The following CCDC126 variants were observed in gnomAD, a reference collection of about 807,000 sequenced individuals.
The protein encoded by CCDC126 is coiled-coil domain-containing protein 126.
CCDC126 carries 5 observed loss-of-function variants against 11.7 expected under a neutral mutation model. That is an observed-to-expected ratio of 0.43 (90% CI 0.22 to 0.90). The LOEUF is 0.90. Among genes scored for constraint, CCDC126 ranks in the 40% least tolerant of loss-of-function variants. The pLI is 0.27. For missense variants in CCDC126, 150 were observed against 163.1 expected (o/e 0.92, Z 0.44); for synonymous variants, 60 against 61.9 (o/e 0.97, Z 0.14).
At chr7:23,612,405 G>A (rs1782728909) in intron 3 of CCDC126, among the ~76,000 whole-genome samples, 1 of 143,482 alleles carries the variant, frequency 7.0e-6, no homozygotes, top group Admixed American at 7.1e-5. Context: ...AACCCAGGAG[G>A]TGGAGGTTGT....
At chr7:23,608,511 C>G (rs188417554) in intron 2 of CCDC126, among the ~76,000 whole-genome samples, 2 of 152,170 alleles carry the variant, frequency 1.3e-5, no homozygotes, top group Admixed American at 1.3e-4. Context: ...CATCAGCTGT[C>G]GTTAGTGTTA....
At chr7:23,636,098 G>A (rs1011845025) in intron 3 of CCDC126, among the ~76,000 whole-genome samples, 2 of 152,072 alleles carry the variant, frequency 1.3e-5, no homozygotes, top group East Asian at 3.9e-4. Flanking sequence ...GCTCCTAACC[G>A]CGAGTGATCC....
At chr7:23,620,801 A>C (rs1395273230) in intron 3 of CCDC126, among the ~76,000 whole-genome samples, 2 of 152,220 alleles carry the variant, frequency 1.3e-5, no homozygotes, top group Non-Finnish European at 2.9e-5. Flanking sequence ...ACATATGGCT[A>C]GCCAGTTTTC....
At chr7:23,613,383 G>A (rs1326065557) in intron 3 of CCDC126, among the ~76,000 whole-genome samples, 2 of 151,918 alleles carry the variant, frequency 1.3e-5, no homozygotes, top group Non-Finnish European at 2.9e-5. Flanking sequence ...ATGAAAAAGG[G>A]CAGTTTTTTC....
intron 2 of CCDC126, among the ~76,000 whole-genome samples, chr7:23,604,997 C>T (rs1473314415): frequency 1.1e-5 from 1 of 92,642 alleles, no homozygotes; most frequent in Non-Finnish European, 2.2e-5. Flanking sequence ...GACTTCGTCT[C>T]AAAAAAAAAA....
chr7:23,620,444 ATTTG>A (rs1360160693), intron 3 of CCDC126, among the ~76,000 whole-genome samples: 3 of 151,914 alleles, frequency 2.0e-5, no homozygotes, highest in Admixed American at 2.0e-4. Context: ...TTTCTTGTAA[ATTTG>A]TTTGAGTTCT....
intron 3 of CCDC126, chr7:23,622,514 G>C: frequency 2.1e-6 from 1 of 484,264 alleles, no homozygotes; most frequent in Non-Finnish European, 4.2e-6. Flanking sequence ...ACTGGATTTA[G>C]TGCAGTCAAC....
rs1584203211 is a variant in CCDC126 at position 23,619,325 on chromosome 7, G to GC, written c.238+7773dup. 1.3e-5 allele frequency: 4 copies of GC among 310,278 alleles called. No individual in the cohort carries two copies. In the East Asian group the frequency reaches 3.9e-4, roughly 30 times the overall value. 19.2% of individuals were successfully genotyped at this position (310,278 alleles called of 1,614,324 possible). A position where few individuals can be genotyped will look rare whatever the true frequency, so the allele number is the denominator to read the frequency against. ...GCACATCTGAAGAAACAGGAGTGTG[G>GC]CGTGACCATAGGGAAGCAAAAGAAC... On this transcript the variant is annotated intron_variant, in intron 3 of 3. Coordinates refer to ENST00000307471, the MANE Select transcript of CCDC126 (RefSeq NM_138771.4).
In CCDC126 at chr7:23,643,637, G is replaced by A. The variant is rs1399017751; in HGVS notation, c.*522G>A. On this transcript the variant is annotated 3_prime_UTR_variant, in exon 4 of 4. Coordinates refer to ENST00000307471, the MANE Select transcript of CCDC126 (RefSeq NM_138771.4). Reference sequence around the variant, plus strand: ...AAGGAAATATAATGTTGAAAATAATGTTTTGAAATCATGACCCAAAGAATG... The same window carrying A: ...AAGGAAATATAATGTTGAAAATAATATTTTGAAATCATGACCCAAAGAATG... The A allele has an allele frequency of 6.6e-6, 1 of 152,614 alleles. No individual in the cohort carries two copies. Among genetic ancestry groups the A allele is most frequent in the Admixed American group, 6.5e-5 (1 of 15,268 alleles). The allele number at this position is 152,614 out of a possible 1,614,324, so 9.5% of individuals were successfully genotyped here. A position where few individuals can be genotyped will look rare whatever the true frequency, so the allele number is the denominator to read the frequency against.
At chr7:23,634,869 A>G (rs1783179472) in intron 3 of CCDC126, among the ~76,000 whole-genome samples, 1 of 152,150 alleles carries the variant, frequency 6.6e-6, no homozygotes, top group South Asian at 2.1e-4. Context: ...GTAAATCACT[A>G]CATTCTCCCT....
Position 23,602,863 on chromosome 7 carries a change from G to A in CCDC126, c.-146+4812G>A, listed in dbSNP as rs181636410. 1.1e-4 allele frequency among the ~76,000 whole-genome samples: 17 copies of A among 150,976 alleles called. No individual in the cohort carries two copies. The East Asian group carries it at 3.1e-3, about 28-fold the overall frequency. On this transcript the variant is annotated intron_variant, in intron 2 of 3. Coordinates refer to ENST00000307471, the MANE Select transcript of CCDC126 (RefSeq NM_138771.4). Reference sequence around the variant, plus strand: ...TGTTTGTTTGCTTGTTTGTTGTCCCGTTCCTATTAAAATAGTATCCAGAAA... The same window carrying A: ...TGTTTGTTTGCTTGTTTGTTGTCCCATTCCTATTAAAATAGTATCCAGAAA...
At chr7:23,620,561 G>A (rs1438601455) in intron 3 of CCDC126, among the ~76,000 whole-genome samples, 18 of 151,166 alleles carry the variant, frequency 1.2e-4, no homozygotes, top group Admixed American at 3.3e-4. Context: ...TTCTTTTGCT[G>A]TGCAGAAGCT....
chr7:23,608,008 T>C (rs531075427), intron 2 of CCDC126, among the ~76,000 whole-genome samples: 1 of 152,268 alleles, frequency 6.6e-6, no homozygotes, highest in East Asian at 1.9e-4. Flanking sequence ...CTGAGCAGGG[T>C]GGCCGAATAT....
chr7:23,611,572 A>G lies in CCDC126; in HGVS notation c.238+19A>G, dbSNP rs1194594389. The G allele has an allele frequency of 6.5e-7, 1 of 1,532,608 alleles. No homozygotes were observed. The highest frequency in any genetic ancestry group is 1.4e-5 in the African/African-American group (1 of 73,242). The allele number at this position is 1,532,608 out of a possible 1,614,324, so 94.9% of individuals were successfully genotyped here. A position where few individuals can be genotyped will look rare whatever the true frequency, so the allele number is the denominator to read the frequency against. On this transcript the variant is annotated intron_variant, in intron 3 of 3. Transcript: ENST00000307471. ...GGATATGGTAAGATAACCGTAGAAT[A>G]TTTCTAGTTTCCTCCAATCCCTGTT... is the stretch of plus-strand genomic sequence containing the variant.
At chr7:23,622,140 A>G (rs1782915749) in intron 3 of CCDC126, among the ~76,000 whole-genome samples, 1 of 152,212 alleles carries the variant, frequency 6.6e-6, no homozygotes, top group Admixed American at 6.5e-5. Context: ...TGATTGGAAT[A>G]GTTTCAGAAG....
rs1453241577 is a variant in CCDC126 at position 23,643,830 on chromosome 7, TCTTATA to T, written c.*721_*726del. 5.3e-5 allele frequency: 8 copies of T among 152,296 alleles called. No homozygotes were observed. Among genetic ancestry groups the T allele is most frequent in the African/African-American group, 9.6e-5 (4 of 41,584 alleles). 9.4% of individuals were successfully genotyped at this position (152,296 alleles called of 1,614,324 possible). On this transcript the variant is annotated 3_prime_UTR_variant, in exon 4 of 4. Coordinates refer to ENST00000307471, the MANE Select transcript of CCDC126 (RefSeq NM_138771.4). ...GCATTAAAATAGTTGTAAACTCTAATCTTATACTTATTGAAGAATAAAAGATATTTT... is the reference window on the plus strand; with the variant it reads ...GCATTAAAATAGTTGTAAACTCTAATCTTATTGAAGAATAAAAGATATTTT...
intron 3 of CCDC126, among the ~76,000 whole-genome samples, chr7:23,627,882 C>T (rs1783042368): frequency 6.6e-6 from 1 of 152,124 alleles, no homozygotes; most frequent in African/African-American, 2.4e-5. Flanking sequence ...TGAGCTACCA[C>T]TCCCAGCCAG....
chr7:23,605,429 GTGTGTGTGTGTGT>G (rs1782607668), intron 2 of CCDC126, among the ~76,000 whole-genome samples: 3 of 147,954 alleles, frequency 2.0e-5, no homozygotes, highest in African/African-American at 5.0e-5. Flanking sequence ...GTGTGTGTGT[GTGTGTGTGTGTGT>G]GGTAAAAAAA....
At chr7:23,620,753 G>A (rs1277263378) in intron 3 of CCDC126, among the ~76,000 whole-genome samples, 1 of 152,104 alleles carries the variant, frequency 6.6e-6, no homozygotes, top group African/African-American at 2.4e-5. Flanking sequence ...ATTAATTTTT[G>A]TATAAAGTGT....
Sources: allele counts gnomAD v4.1 joint callset (sites outside exome capture counted in the v4.1 genomes callset), GRCh38; gene constraint gnomAD v4.1.1; transcripts MANE v1.5; gene names NCBI Gene and HGNC (gene_info 2026-07-23, HGNC 2026-07-21).